Variants in MTHFD1L observed in about 807,000 individuals in gnomAD.
MTHFD1L encodes the protein monofunctional C1-tetrahydrofolate synthase, mitochondrial.
MTHFD1L carries 81 observed loss-of-function variants against 119.5 expected under a neutral mutation model. That is an observed-to-expected ratio of 0.68 (90% confidence interval 0.57 to 0.82). The LOEUF is 0.82. Ranked by LOEUF, MTHFD1L falls within the 40% of genes least tolerant of loss-of-function variation. The pLI, the probability that MTHFD1L is intolerant of heterozygous loss-of-function variation, is 0.00. For synonymous variants in MTHFD1L, 430 were observed against 475.2 expected, an observed-to-expected ratio of 0.90 and a Z score of 1.24; for missense variants, 1,125 against 1,253.4, an observed-to-expected ratio of 0.90 and a Z score of 1.55.
intron 20 of MTHFD1L, among the ~76,000 whole-genome samples, chr6:151,001,809 C>T (rs556121834): frequency 1.3e-5 from 2 of 152,240 alleles, no homozygotes; most frequent in South Asian, 4.2e-4. Context: ...ACAGAATACT[C>T]CCTGCTGCTG....
chr6:150,899,614 G>A (rs1285263015), intron 7 of MTHFD1L, among the ~76,000 whole-genome samples: 1 of 152,144 alleles, frequency 6.6e-6, no homozygotes, highest in African/African-American at 2.4e-5. Context: ...TAGCTACAAA[G>A]CAATACTCTT....
At chr6:150,947,074 CAAAAAAGAAAAAA>C (rs1391572715) in intron 15 of MTHFD1L, among the ~76,000 whole-genome samples, 3 of 122,478 alleles carry the variant, frequency 2.4e-5, no homozygotes, top group Non-Finnish European at 5.5e-5. Flanking sequence ...GACTCCATCT[CAAAAAAGAAAAAA>C]AAAAAAGAAA....
Position 151,039,576 on chromosome 6 carries a change from C to T in MTHFD1L, c.2847+2459C>T, listed in dbSNP as rs1786734986. On this transcript the variant is annotated intron_variant, in intron 26 of 27. Transcript: ENST00000367321. This position sits in a 1 kb window ranked among gnomAD's most constrained non-coding sequence, Gnocchi z 4.4. The stretch of plus-strand genomic sequence containing the variant: ...GCCTGTGTATAATTTAATTATACCT[C>T]AGTTAACAAAAATGGGTGCTGAAGA... Among the ~76,000 whole-genome samples, 1 of 152,082 alleles carries T rather than the reference C, an allele frequency of 6.6e-6. No homozygotes were observed. The highest frequency in any genetic ancestry group is 1.5e-5 in the Non-Finnish European group (1 of 68,030).
intron 1 of MTHFD1L, chr6:150,866,734 G>GCGCC: frequency 9.4e-7 from 1 of 1,064,170 alleles, no homozygotes; most frequent in South Asian, 4.6e-5. Flanking sequence ...TCCCCGCGCA[G>GCGCC]CTGGGTTTGC....
At chr6:150,888,048 T>C in intron 7 of MTHFD1L, 67 bp downstream of exon 7, 1 of 1,471,016 alleles carries the variant, frequency 6.8e-7, no homozygotes, top group Non-Finnish European at 9.0e-7. Context: ...TCTAGAAATG[T>C]ATAAGCTAAG....
At chr6:150,968,985 A>G (rs1797642349) in intron 19 of MTHFD1L, among the ~76,000 whole-genome samples, 1 of 150,184 alleles carries the variant, frequency 6.7e-6, no homozygotes, top group South Asian at 2.1e-4. Context: ...AGCATCTGGG[A>G]TTACAGGCGC....
intron 26 of MTHFD1L, among the ~76,000 whole-genome samples, chr6:151,056,628 A>G (rs534013251): frequency 1.3e-5 from 2 of 152,226 alleles, no homozygotes; most frequent in South Asian, 4.1e-4. Context: ...TCACCTTTTG[A>G]GGGACACTGG....
chr6:150,943,674 G>A (rs1034840257), intron 13 of MTHFD1L, among the ~76,000 whole-genome samples: 11 of 152,192 alleles, frequency 7.2e-5, no homozygotes, highest in Non-Finnish European at 1.3e-4. Flanking sequence ...TACATCTACC[G>A]TATACAGCTT....
At chr6:150,928,966 C>T (rs944440039) in intron 11 of MTHFD1L, among the ~76,000 whole-genome samples, 3 of 152,286 alleles carry the variant, frequency 2.0e-5, no homozygotes, top group African/African-American at 7.2e-5. Context: ...ACCCTTCTCC[C>T]GCAGGCTTCC....
chr6:151,099,976 A>T, intron 27 of MTHFD1L: 1 of 841,344 alleles, frequency 1.2e-6, no homozygotes, highest in South Asian at 1.4e-5. Context: ...ATGTAAAAAC[A>T]GCCATCTGGC....
In MTHFD1L at chr6:150,928,604, C is replaced by T. The variant is rs116661372; in HGVS notation, c.1256+2309C>T. Reference sequence around the variant, plus strand: ...TCACCCAGGCTGGAGTGCACTGGTGCGATTTTGGCTCGCTGCAACCTCTGC... The same window carrying T: ...TCACCCAGGCTGGAGTGCACTGGTGTGATTTTGGCTCGCTGCAACCTCTGC... On this transcript the variant is annotated intron_variant, in intron 11 of 27. Coordinates refer to ENST00000367321, the MANE Select transcript of MTHFD1L (RefSeq NM_015440.5). Among the ~76,000 whole-genome samples the T allele has an allele frequency of 7.3e-4, 109 of 149,044 alleles. 1 individual carries two copies. The East Asian group carries it at 0.02, about 27-fold the overall frequency.
intron 20 of MTHFD1L, among the ~76,000 whole-genome samples, chr6:150,977,749 G>A (rs1776788487): frequency 6.6e-6 from 1 of 152,158 alleles, no homozygotes; most frequent in African/African-American, 2.4e-5. Context: ...TGTCTTTGCA[G>A]AGGAGTGCAG....
intron 20 of MTHFD1L, 114 bp downstream of exon 20, chr6:150,972,172 T>C (rs1213444636): frequency 3.4e-6 from 3 of 890,516 alleles, no homozygotes; most frequent in African/African-American, 1.7e-5. Flanking sequence ...TCAGGCACCC[T>C]CTTTCATAGA....
chr6:150,931,565 T>G (rs542849669), intron 11 of MTHFD1L, among the ~76,000 whole-genome samples: 2 of 152,272 alleles, frequency 1.3e-5, no homozygotes, highest in Non-Finnish European at 2.9e-5. Context: ...TATTGTTAGA[T>G]AATAAAAGGC....
At chr6:150,953,384 A>G (rs1221342253) in intron 16 of MTHFD1L, among the ~76,000 whole-genome samples, 1 of 152,082 alleles carries the variant, frequency 6.6e-6, no homozygotes, top group Non-Finnish European at 1.5e-5. Flanking sequence ...CTCCACCCCC[A>G]CACCCACTGG....
At chr6:150,994,073 A>G (rs377711199) in intron 20 of MTHFD1L, among the ~76,000 whole-genome samples, 1 of 79,216 alleles carries the variant, frequency 1.3e-5, no homozygotes, top group African/African-American at 6.9e-5. Context: ...GTAAAAAAAA[A>G]AAAAAAAGAA....
At position 150,918,628 on chromosome 6, in the gene MTHFD1L, A is replaced by G. The variant is rs1257266984; in HGVS notation, c.944A>G (p.Glu315Gly). ...ATACATTTTGGTGGACTCATTGAGG[A>G]AGATGATGTGATTCTCCTTGCTGCA... Reference protein sequence around the residue: ...PRIHFGGLIEEDDVILLAAAL... With the variant: ...PRIHFGGLIEGDDVILLAAAL... The change falls in exon 9 of 28, where the codon GAA becomes GGA. Residue 315 changes from glutamate (E) to glycine (G), a missense_variant. By Grantham distance (98) the Glu-to-Gly change is moderately conservative. Transcript: ENST00000367321. 2 of 1,614,124 alleles carry G rather than the reference A, an allele frequency of 1.2e-6. No homozygotes were observed. The highest frequency in any genetic ancestry group is 1.7e-5 in the Admixed American group (1 of 60,002).
chr6:151,096,837 C>T (rs890885660), intron 27 of MTHFD1L, among the ~76,000 whole-genome samples: 1 of 152,158 alleles, frequency 6.6e-6, no homozygotes, highest in Non-Finnish European at 1.5e-5. Flanking sequence ...CCTAGGAAAC[C>T]GTGTGAAACC....
chr6:151,024,813 G>GT (rs373981930), intron 24 of MTHFD1L, among the ~76,000 whole-genome samples: 123 of 151,926 alleles, frequency 8.1e-4, no homozygotes, highest in Non-Finnish European at 1.4e-3. Flanking sequence ...TGCCCGGCCT[G>GT]TTTTTTTTGT....
Sources: allele counts gnomAD v4.1 joint callset (sites outside exome capture counted in the v4.1 genomes callset), GRCh38; gene constraint gnomAD v4.1.1; non-coding constraint Gnocchi (gnomAD v3.1); transcripts MANE v1.5; gene names NCBI Gene and HGNC (gene_info 2026-07-23, HGNC 2026-07-21).